Variants in PCDHGA12 observed in about 807,000 individuals in gnomAD.
PCDHGA12 encodes the protein protocadherin gamma subfamily A, 12.
Under a neutral mutation model 61.1 loss-of-function variants are expected in PCDHGA12, and 43 were observed. The ratio of observed to expected loss-of-function variants is 0.70; its 90% CI spans 0.55 to 0.91. The LOEUF is 0.91. PCDHGA12 is among the 40% of genes least tolerant of loss of function. The pLI, the probability that PCDHGA12 is intolerant of heterozygous loss-of-function variation, is 0.00. For synonymous variants in PCDHGA12, 520 were observed against 542.9 expected (o/e 0.96, Z 0.59); for missense variants, 1,236 against 1,227.7 (o/e 1.01, Z -0.10).
chr5:141,484,864 A>G, intron 1 of PCDHGA12: 1 of 263,722 alleles, frequency 3.8e-6, no homozygotes, highest in Non-Finnish European at 7.2e-6. Context: ...GGGGTGGGGG[A>G]GCGTGGAGGA....
chr5:141,473,117 C>A (rs976493841), intron 1 of PCDHGA12, among the ~76,000 whole-genome samples: 4 of 152,140 alleles, frequency 2.6e-5, no homozygotes, highest in Admixed American at 1.3e-4. Flanking sequence ...CTTTACTTGG[C>A]TCTTTGGCAA....
At chr5:141,468,995 T>G (rs533843461) in intron 1 of PCDHGA12, among the ~76,000 whole-genome samples, 1 of 147,628 alleles carries the variant, frequency 6.8e-6, no homozygotes, top group Non-Finnish European at 1.5e-5. Context: ...TTATTGTTTT[T>G]GCTGGGTGCG....
At chr5:141,447,263 C>A (rs953578064) in intron 1 of PCDHGA12, among the ~76,000 whole-genome samples, 1 of 152,116 alleles carries the variant, frequency 6.6e-6, no homozygotes, top group Non-Finnish European at 1.5e-5. Context: ...TCTCAGCCTC[C>A]CAAGTAGCTG....
At chr5:141,478,884 C>A in intron 1 of PCDHGA12, 1 of 1,194,298 alleles carries the variant, frequency 8.4e-7, no homozygotes, top group Non-Finnish European at 1.1e-6. Flanking sequence ...AGCTTGGTAT[C>A]ATTTACATTA....
At position 141,487,398 on chromosome 5, in the gene PCDHGA12, G is replaced by A. The variant is rs1342197934; in HGVS notation, c.2425-7409G>A. 1.9e-6 allele frequency: 3 copies of A among 1,613,926 alleles called. No individual in the cohort carries two copies. The African/African-American group carries it at 4.0e-5, about 22-fold the overall frequency. ...CTCACCAGATCTCGAAGGAGGGAGGGGCTTCCCCCTTCCAATGGGATCCTC... is the reference window on the plus strand; with the variant it reads ...CTCACCAGATCTCGAAGGAGGGAGGAGCTTCCCCCTTCCAATGGGATCCTC... On this transcript the variant is annotated intron_variant, in intron 1 of 3. Transcript: ENST00000252085. The surrounding 1 kb of genome is among the most constrained non-coding windows in gnomAD (Gnocchi z 5.0).
chr5:141,496,772 T>C (rs994207358), intron 2 of PCDHGA12, among the ~76,000 whole-genome samples: 9 of 152,008 alleles, frequency 5.9e-5, no homozygotes, highest in African/African-American at 1.2e-4. Flanking sequence ...GCATCTACTA[T>C]GAGCAGGGCC....
In PCDHGA12 at chr5:141,477,176, G is replaced by C. The variant is rs766547728; in HGVS notation, c.2425-17631G>C. On this transcript the variant is annotated intron_variant, in intron 1 of 3. Coordinates refer to ENST00000252085, the MANE Select transcript of PCDHGA12 (RefSeq NM_003735.3). This position sits in a 1 kb window ranked among gnomAD's most constrained non-coding sequence, Gnocchi z 4.9. ...GAATGACAACGCCCCGGAGATCACAGTCACCTCCGTGTACAGCCCAGTACC... is the reference window on the plus strand; with the variant it reads ...GAATGACAACGCCCCGGAGATCACACTCACCTCCGTGTACAGCCCAGTACC... The C allele has an allele frequency of 1.2e-6, 2 of 1,614,206 alleles. No individual in the cohort carries two copies. The highest frequency in any genetic ancestry group is 3.3e-5 in the Admixed American group (2 of 60,024).
chr5:141,476,979 G>A lies in PCDHGA12; in HGVS notation c.2425-17828G>A, dbSNP rs772801536. On this transcript the variant is annotated intron_variant, in intron 1 of 3. Coordinates refer to ENST00000252085, the MANE Select transcript of PCDHGA12 (RefSeq NM_003735.3). The surrounding 1 kb of genome is among the most constrained non-coding windows in gnomAD (Gnocchi z 7.6). ...ATTTACTCCTTCGGCAGCCACAACC[G>A]CGCCGGCGTGCGGCAACTATTCGCC... The A allele has an allele frequency of 1.9e-6, 3 of 1,614,238 alleles. No homozygotes were observed. The South Asian group carries it at 3.3e-5, about 18-fold the overall frequency.
chr5:141,484,869 G>C (rs2154580238), intron 1 of PCDHGA12: 1 of 292,558 alleles, frequency 3.4e-6, no homozygotes, highest in African/African-American at 2.2e-5. Flanking sequence ...GGGGGAGCGT[G>C]GAGGATAGGG....
At chr5:141,449,888 A>G (rs544369390) in intron 1 of PCDHGA12, among the ~76,000 whole-genome samples, 1 of 151,990 alleles carries the variant, frequency 6.6e-6, no homozygotes, top group Non-Finnish European at 1.5e-5. Flanking sequence ...ATGCAATATA[A>G]TTATTTAGCC....
rs1562059777 is a variant in PCDHGA12, at chr5:141,477,098, G to C, written c.2425-17709G>C. 6.2e-7 allele frequency: 1 copy of C among 1,614,242 alleles called. No individual in the cohort carries two copies. Among genetic ancestry groups the C allele is most frequent in the Non-Finnish European group, 8.5e-7 (1 of 1,180,046 alleles). ...GATTTACATCCAGGCCAAAGACAAG[G>C]GCGCCAATCCCGAAGGAGCACATTG... On this transcript the variant is annotated intron_variant, in intron 1 of 3. Transcript: ENST00000252085. This position sits in a 1 kb window ranked among gnomAD's most constrained non-coding sequence, Gnocchi z 4.9.
rs1173306822 is a variant in PCDHGA12, at chr5:141,431,115, T to G, written c.356T>G (p.Val119Gly). The G allele has an allele frequency of 6.2e-7, 1 of 1,613,608 alleles. No homozygotes were observed. Among genetic ancestry groups the G allele is most frequent in the East Asian group, 2.2e-5 (1 of 44,840 alleles). ...LMEDKVKIYG[V>G]EVEVRDINDN... ...GAGGATAAAGTGAAAATATATGGAG[T>G]AGAAGTAGAAGTAAGGGACATTAAC... Residue 119 changes from valine to glycine, a missense_variant, in exon 1 of 4, where the codon GTA becomes GGA. Physicochemically the swap from Val to Gly is moderately radical, Grantham distance 109. Transcript: ENST00000252085. This position sits in a 1 kb window ranked among gnomAD's most constrained non-coding sequence, Gnocchi z 4.8.
rs1160304959 is a variant in PCDHGA12, at chr5:141,490,969, C to A, written c.2425-3838C>A. On this transcript the variant is annotated intron_variant, in intron 1 of 3. Coordinates refer to ENST00000252085, the MANE Select transcript of PCDHGA12 (RefSeq NM_003735.3). This position sits in a 1 kb window ranked among gnomAD's most constrained non-coding sequence, Gnocchi z 5.4. ...GCCAGACTGGGAACACTCAGCCCCC[C>A]AGCGTCTCCCTCGCTCTGCTCCTCC... The A allele has an allele frequency of 2.5e-6, 4 of 1,613,820 alleles. No individual in the cohort carries two copies. In the African/African-American group the frequency reaches 4.0e-5, roughly 16 times the overall value.
rs567684479 is a variant in PCDHGA12 at position 141,432,875 on chromosome 5, G to T, written c.2116G>T (p.Ala706Ser). The T allele has an allele frequency of 6.2e-7, 1 of 1,614,178 alleles. No individual in the cohort carries two copies. Among genetic ancestry groups the T allele is most frequent in the South Asian group, 1.1e-5 (1 of 91,084 alleles). ...GGCCGCGGTCTCCTGCGTCTTCCTG[G>T]CCTTCGTCATCTTGCTGCTGGCGCT... ...AVAAVSCVFLAFVILLLALRL... is the reference protein window; with the variant it reads ...AVAAVSCVFLSFVILLLALRL... The change falls in exon 1 of 4, where the codon GCC becomes TCC. Residue 706 changes from alanine to serine, a missense_variant. By Grantham distance (99) the Ala-to-Ser change is moderately conservative (BLOSUM62 1). Coordinates refer to ENST00000252085, the MANE Select transcript of PCDHGA12 (RefSeq NM_003735.3). This position sits in a 1 kb window ranked among gnomAD's most constrained non-coding sequence, Gnocchi z 6.0.
rs758181180 is a variant in PCDHGA12 at position 141,485,483 on chromosome 5, G to T, written c.2425-9324G>T. The T allele has an allele frequency of 1.9e-6, 3 of 1,614,106 alleles. No homozygotes were observed. The highest frequency in any genetic ancestry group is 2.5e-6 in the Non-Finnish European group (3 of 1,180,022). ...GTGTGGGCTCAGTGCCAGCTGCATC[G>T]TGCCCCTGGAGTTTGTCACCGAAGG... On this transcript the variant is annotated intron_variant, in intron 1 of 3. Coordinates refer to ENST00000252085, the MANE Select transcript of PCDHGA12 (RefSeq NM_003735.3). The surrounding 1 kb of genome is among the most constrained non-coding windows in gnomAD (Gnocchi z 5.7).
intron 1 of PCDHGA12, among the ~76,000 whole-genome samples, chr5:141,451,329 A>G (rs991467686): frequency 2.6e-5 from 4 of 152,196 alleles, no homozygotes; most frequent in African/African-American, 9.6e-5. Context: ...ACCTAAGGCT[A>G]TTGTCTTATC....
At chr5:141,438,063 A>G (rs540817874) in intron 1 of PCDHGA12, among the ~76,000 whole-genome samples, 11 of 152,224 alleles carry the variant, frequency 7.2e-5, no homozygotes, top group Non-Finnish European at 1.5e-4. Context: ...CTTTTAAGAA[A>G]CCATACTTAA....
At position 141,432,117 on chromosome 5, in the gene PCDHGA12, C is replaced by G. The variant is rs761106133; in HGVS notation, c.1358C>G (p.Pro453Arg). The G allele has an allele frequency of 6.2e-7, 1 of 1,614,062 alleles. No homozygotes were observed. The highest frequency in any genetic ancestry group is 8.5e-7 in the Non-Finnish European group (1 of 1,180,048). ...ADTNDNPPVFPQASYSAYIPE... is the reference protein window; with the variant it reads ...ADTNDNPPVFRQASYSAYIPE... ...ACCAACGACAACCCGCCGGTCTTCC[C>G]TCAGGCCTCCTATTCCGCTTATATC... is the stretch of plus-strand genomic sequence containing the variant. The change falls in exon 1 of 4, where the codon CCT (proline) becomes CGT (arginine). Residue 453 changes from proline (P) to arginine (R), a missense_variant. Pro to Arg is a moderately radical substitution (Grantham distance 103). Transcript: ENST00000252085. The surrounding 1 kb of genome is among the most constrained non-coding windows in gnomAD (Gnocchi z 6.0).
At chr5:141,481,913 CAAAA>C (rs34114744) in intron 1 of PCDHGA12, among the ~76,000 whole-genome samples, 1 of 90,848 alleles carries the variant, frequency 1.1e-5, no homozygotes, top group Non-Finnish European at 2.2e-5. Context: ...AACTCCATCT[CAAAA>C]AAAAAAAAAA....
Sources: allele counts gnomAD v4.1 joint callset (sites outside exome capture counted in the v4.1 genomes callset), GRCh38; gene constraint gnomAD v4.1.1; non-coding constraint Gnocchi (gnomAD v3.1); transcripts MANE v1.5; gene names NCBI Gene and HGNC (gene_info 2026-07-23, HGNC 2026-07-21).